Variants in OPRM1 observed in about 807,000 individuals in gnomAD.
OPRM1 encodes opioid receptor mu 1.
In OPRM1, 27 loss-of-function variants were observed where a neutral mutation model predicts 31.8. The observed-to-expected ratio is 0.85, with a 90% CI of 0.63 to 1.17. The LOEUF is 1.17. OPRM1 is among the 50% of genes most tolerant of loss of function. The pLI is 0.00. For missense variants in OPRM1, 536 were observed against 511.1 expected, an observed-to-expected ratio of 1.05 and a Z score of -0.47; for synonymous variants, 196 against 189.9, an observed-to-expected ratio of 1.03 and a Z score of -0.26.
chr6:154,075,059 C>T (rs2128459324), intron 1 of OPRM1, among the ~76,000 whole-genome samples: 1 of 151,846 alleles, frequency 6.6e-6, no homozygotes, highest in South Asian at 2.1e-4. Flanking sequence ...AATTCAGGAA[C>T]ATACAAAAGA....
intron 1 of OPRM1, among the ~76,000 whole-genome samples, chr6:154,077,371 G>A (rs370248905): frequency 1.3e-5 from 2 of 151,656 alleles, no homozygotes; most frequent in East Asian, 2.0e-4. Context: ...GCCCACCTCG[G>A]CCTCCCAAAG....
At chr6:154,115,569 A>C (rs1018026324) in intron 3 of OPRM1, among the ~76,000 whole-genome samples, 1 of 152,116 alleles carries the variant, frequency 6.6e-6, no homozygotes, top group African/African-American at 2.4e-5. Flanking sequence ...AGAGAGAATA[A>C]GAGTTGGACC....
At chr6:154,019,221 T>A (rs1006402219) in intron 1 of OPRM1, among the ~76,000 whole-genome samples, 35 of 151,860 alleles carry the variant, frequency 2.3e-4, no homozygotes, top group African/African-American at 6.0e-4. Flanking sequence ...CATGCTTTTT[T>A]AAAAAATCAT....
At chr6:154,043,114 C>G (rs767090020) in intron 1 of OPRM1, among the ~76,000 whole-genome samples, 11 of 152,098 alleles carry the variant, frequency 7.2e-5, no homozygotes, top group Non-Finnish European at 1.5e-4. Context: ...ATGGTATGTA[C>G]AGACACTGTT....
chr6:154,184,511 G>T (rs1801168728), intron 3 of OPRM1, among the ~76,000 whole-genome samples: 1 of 151,732 alleles, frequency 6.6e-6, no homozygotes, highest in Non-Finnish European at 1.5e-5. Flanking sequence ...AAGACCAATG[G>T]TATATGTGTG....
chr6:154,152,178 A>G (rs28716533), intron 3 of OPRM1, among the ~76,000 whole-genome samples: 1 of 146,510 alleles, frequency 6.8e-6, no homozygotes, highest in East Asian at 1.9e-4. Context: ...AACAAAAAAA[A>G]AAAAGAAAGA....
At chr6:154,033,552 T>A (rs1323016811) in intron 1 of OPRM1, among the ~76,000 whole-genome samples, 1 of 152,084 alleles carries the variant, frequency 6.6e-6, no homozygotes, top group Non-Finnish European at 1.5e-5. Context: ...AGAGAAAGAA[T>A]CAAGTGAAAG....
At chr6:154,221,368 T>C in intron 3 of OPRM1, 1 of 1,517,984 alleles carries the variant, frequency 6.6e-7, no homozygotes, top group Admixed American at 1.7e-5. Flanking sequence ...AAAATTAGTG[T>C]TTATAGTCAA....
At chr6:154,225,173 A>G (rs1262777872) in intron 3 of OPRM1, among the ~76,000 whole-genome samples, 1 of 152,156 alleles carries the variant, frequency 6.6e-6, no homozygotes, top group Non-Finnish European at 1.5e-5. Flanking sequence ...ACACCCAATG[A>G]ATACTCCCTT....
chr6:154,026,637 T>C (rs1184561142), intron 1 of OPRM1, among the ~76,000 whole-genome samples: 1 of 152,154 alleles, frequency 6.6e-6, no homozygotes, highest in African/African-American at 2.4e-5. Flanking sequence ...CATTGTTTTT[T>C]ATTCTTTATT....
intron 3 of OPRM1, among the ~76,000 whole-genome samples, chr6:154,246,220 T>C (rs1781030214): frequency 6.6e-6 from 1 of 152,162 alleles, no homozygotes; most frequent in African/African-American, 2.4e-5. Flanking sequence ...CTCCTTTTAG[T>C]AGAGAGACCT....
chr6:154,037,315 A>C (rs1174672006), upstream of OPRM1, among the ~76,000 whole-genome samples: 1 of 151,846 alleles, frequency 6.6e-6, no homozygotes, highest in African/African-American at 2.4e-5. Flanking sequence ...TCATTGGTAA[A>C]CCTAAGGAGA....
intron 3 of OPRM1, among the ~76,000 whole-genome samples, chr6:154,239,431 A>ATTCACATGTGTGAATTC (rs566463753): frequency 5.6e-4 from 86 of 152,354 alleles, no homozygotes; most frequent in African/African-American, 2.0e-3. Context: ...TGAAATTAGA[A>ATTCACATGTGTGAATTC]TGTCAGAAGT....
At chr6:154,099,642 C>CAT (rs199809976) in intron 3 of OPRM1, among the ~76,000 whole-genome samples, 2 of 103,036 alleles carry the variant, frequency 1.9e-5, no homozygotes, top group Admixed American at 1.0e-4. Context: ...TATATACACA[C>CAT]ATATATATAC....
intron 3 of OPRM1, among the ~76,000 whole-genome samples, chr6:154,144,611 G>C (rs1362774818): frequency 6.6e-6 from 1 of 151,926 alleles, no homozygotes; most frequent in African/African-American, 2.4e-5. Flanking sequence ...AGCTGGGTGT[G>C]GTGGTGGGTG....
intron 1 of OPRM1, among the ~76,000 whole-genome samples, chr6:154,086,044 A>G (rs972022447): frequency 6.6e-6 from 1 of 151,854 alleles, no homozygotes; most frequent in African/African-American, 2.4e-5. Context: ...GACAGGGTTG[A>G]CCAGGCTGGT....
chr6:154,234,784 C>G (rs1779983761), intron 3 of OPRM1, among the ~76,000 whole-genome samples: 1 of 152,216 alleles, frequency 6.6e-6, no homozygotes, highest in African/African-American at 2.4e-5. Context: ...AATTAAGTTA[C>G]TAGTGAACTT....
intron 3 of OPRM1, among the ~76,000 whole-genome samples, chr6:154,228,074 C>T (rs938669570): frequency 6.6e-6 from 1 of 152,106 alleles, no homozygotes; most frequent in African/African-American, 2.4e-5. Flanking sequence ...CCTTTTCCTC[C>T]TCCTCCGCTT....
At position 154,168,119 on chromosome 6, in the gene OPRM1, T is replaced by TA; in HGVS notation, c.1164+76647_1164+76648insA. 2.0e-6 allele frequency: 3 copies of TA among 1,515,852 alleles called. No homozygotes were observed. The highest frequency in any genetic ancestry group is 1.8e-6 in the Non-Finnish European group (2 of 1,123,886). 93.9% of individuals were successfully genotyped at this position (1,515,852 alleles called of 1,614,324 possible). On this transcript the variant is annotated intron_variant, in intron 3 of 3. Coordinates refer to the OPRM1 transcript ENST00000337049. This position sits in a 1 kb window ranked among gnomAD's most constrained non-coding sequence, Gnocchi z 4.1. ...TTCAGACACTTTTGTCTCTTCTATT[T>TA]GAAAAAAAAAAAGAAAGCAGTAACA...
Sources: gnomAD v4.1 joint callset for allele counts (sites outside exome capture counted in the v4.1 genomes callset) on GRCh38, gnomAD v4.1.1 for gene constraint, Gnocchi (gnomAD v3.1) non-coding constraint, MANE v1.5 for transcripts, NCBI Gene and HGNC (gene_info 2026-07-23, HGNC 2026-07-21) for gene names.